The following ZNF347 variants were observed in gnomAD, a reference collection of about 807,000 sequenced individuals.
ZNF347 encodes the protein zinc finger protein 347, also known as CTD-2620I22.7.
A neutral mutation model predicts 12.9 loss-of-function variants in ZNF347; 19 were observed. That is an observed-to-expected ratio of 1.47 (90% CI 1.03 to 2.16). ZNF347 has a LOEUF of 2.16. Ranked by LOEUF, ZNF347 falls within the 30% of genes most tolerant of loss-of-function variation. ZNF347 has a pLI of 0.00. For synonymous variants in ZNF347, 328 were observed against 340.6 expected (o/e 0.96, Z 0.41); for missense variants, 1,005 against 990.6 (o/e 1.01, Z -0.19).
At chr19:53,157,530 G>GAAACAAGCTT (rs1444207264) in intron 1 of ZNF347, among the ~76,000 whole-genome samples, 1 of 151,944 alleles carries the variant, frequency 6.6e-6, no homozygotes, top group African/African-American at 2.4e-5. Flanking sequence ...GTCCCATTCT[G>GAAACAAGCTT]GGGCCTTGTT....
At position 53,135,377 on chromosome 19, in the gene ZNF347, G is replaced by C. The variant is rs1017159828; in HGVS notation, c.*4931C>G. On this transcript the variant is annotated 3_prime_UTR_variant, in exon 5 of 5. Transcript: ENST00000334197. ...AGAGAGAGAGAGAGAGAAAGAGAGA[G>C]AGAGAGAGAGAGAGAGATGGAGTCC... 7.0e-6 allele frequency: 1 copy of C among 142,114 alleles called. No individual in the cohort carries two copies. The highest frequency in any genetic ancestry group is 1.6e-5 in the Non-Finnish European group (1 of 63,912). 8.8% of individuals were successfully genotyped at this position (142,114 alleles called of 1,614,324 possible).
chr19:53,143,016 G>A (rs186438077), intron 4 of ZNF347, among the ~76,000 whole-genome samples: 66 of 152,134 alleles, frequency 4.3e-4, no homozygotes, highest in African/African-American at 1.6e-3. Flanking sequence ...TTTACTAAGA[G>A]GGCTAAAAGA....
At position 53,153,795 on chromosome 19, in the gene ZNF347, T is replaced by C; in HGVS notation, c.-46-2A>G. 3.1e-6 allele frequency: 5 copies of C among 1,613,662 alleles called. No individual in the cohort carries two copies. Among genetic ancestry groups the C allele is most frequent in the Non-Finnish European group, 4.2e-6 (5 of 1,179,620 alleles). On this transcript the variant is annotated splice_acceptor_variant, in intron 1 of 4. Coordinates refer to ENST00000334197, the MANE Select transcript of ZNF347 (RefSeq NM_032584.3). LOFTEE classifies it low-confidence loss of function (5UTR_SPLICE). Reference sequence around the variant, plus strand: ...CTTCCTCTTCTTCAAGGGTTCTTCCTTAGGTAACAGGAAAGTGCCTTTAGA... The same window carrying C: ...CTTCCTCTTCTTCAAGGGTTCTTCCCTAGGTAACAGGAAAGTGCCTTTAGA...
At chr19:53,157,450 T>C (rs1176584963) in intron 1 of ZNF347, among the ~76,000 whole-genome samples, 1 of 152,096 alleles carries the variant, frequency 6.6e-6, no homozygotes, top group Non-Finnish European at 1.5e-5. Context: ...CCCTGGTTCT[T>C]TGCGCGTCGT....
Position 53,158,198 on chromosome 19 carries a change from G to C in ZNF347, c.-47+811C>G, listed in dbSNP as rs377294559. Among the ~76,000 whole-genome samples, 326 of 152,338 alleles carry C rather than the reference G, an allele frequency of 2.1e-3. 1 individual carries two copies. The highest frequency in any genetic ancestry group is 7.5e-3 in the African/African-American group (310 of 41,588). ...GGCCCCGGGCACCTCCCCAGCGCGGGCTCAGGAGAAGCGGGGACTGCGAAG... is the reference window on the plus strand; with the variant it reads ...GGCCCCGGGCACCTCCCCAGCGCGGCCTCAGGAGAAGCGGGGACTGCGAAG... On this transcript the variant is annotated intron_variant, in intron 1 of 4. Transcript: ENST00000334197.
intron 1 of ZNF347, among the ~76,000 whole-genome samples, chr19:53,154,383 G>C (rs1327376384): frequency 6.6e-6 from 1 of 152,098 alleles, no homozygotes; most frequent in Non-Finnish European, 1.5e-5. Flanking sequence ...TCAGCACTTT[G>C]GGAGGCCTAG....
chr19:53,154,270 C>T (rs1160492975), intron 1 of ZNF347, among the ~76,000 whole-genome samples: 1 of 151,924 alleles, frequency 6.6e-6, no homozygotes, highest in African/African-American at 2.4e-5. Context: ...TCAGTTGAGG[C>T]CAGGAGTTCA....
At chr19:53,144,422 T>A (rs1466080690) in intron 4 of ZNF347, among the ~76,000 whole-genome samples, 1 of 152,026 alleles carries the variant, frequency 6.6e-6, no homozygotes, top group African/African-American at 2.4e-5. Flanking sequence ...CAAAAGGACA[T>A]AATAAATAAG....
Position 53,141,412 on chromosome 19 carries a change from A to G in ZNF347, c.1416T>C (p.Leu472=), listed in dbSNP as rs1295103621. The G allele has an allele frequency of 6.2e-7, 1 of 1,613,956 alleles. No individual in the cohort carries two copies. Among genetic ancestry groups the G allele is most frequent in the South Asian group, 1.1e-5 (1 of 91,080 alleles). The stretch of plus-strand genomic sequence containing the variant: ...CAGTATGAATTAGCTGATGCCTTGC[A>G]AGGTGTGAATTACGCCTAAAGACCT... ...CGKVFRRNSH[L]ARHQLIHTGE... The change falls in exon 5 of 5, where the codon CTT becomes CTC. Residue 472 remains leucine (L), a synonymous_variant. Coordinates refer to ENST00000334197, the MANE Select transcript of ZNF347 (RefSeq NM_032584.3).
At position 53,136,910 on chromosome 19, in the gene ZNF347, G is replaced by A. The variant is rs2090390836; in HGVS notation, c.*3398C>T. 6.6e-6 allele frequency: 1 copy of A among 152,062 alleles called. No individual in the cohort carries two copies. The highest frequency in any genetic ancestry group is 6.6e-5 in the Admixed American group (1 of 15,264). The allele number at this position is 152,062 out of a possible 1,614,324, so 9.4% of individuals were successfully genotyped here. On this transcript the variant is annotated 3_prime_UTR_variant, in exon 5 of 5. Coordinates refer to ENST00000334197, the MANE Select transcript of ZNF347 (RefSeq NM_032584.3). ...TTAGAAATTTCTTTTGTTTTTTTGA[G>A]AGTCTCACTCTATTGCCCAGGCTGG... is the stretch of plus-strand genomic sequence containing the variant.
Position 53,139,900 on chromosome 19 carries a change from AT to A in ZNF347, c.*407del, listed in dbSNP as rs879706160. ...ATGAGGAGTTTGCCACAGTCATTGC[AT>A]TTTTTTTTTTTCCTTTAAGATGGAG... On this transcript the variant is annotated 3_prime_UTR_variant, in exon 5 of 5. Transcript: ENST00000334197. The A allele has an allele frequency of 0.022, 3,438 of 154,586 alleles. 29 individuals carry two copies. Among genetic ancestry groups the A allele is most frequent in the Admixed American group, 0.03 (498 of 16,404 alleles). The allele number at this position is 154,586 out of a possible 1,614,324, so 9.6% of individuals were successfully genotyped here. A position where few individuals can be genotyped will look rare whatever the true frequency, so the allele number is the denominator to read the frequency against.
In ZNF347 at chr19:53,135,294, T is replaced by G. The variant is rs1185322814; in HGVS notation, c.*5014A>C. On this transcript the variant is annotated 3_prime_UTR_variant, in exon 5 of 5. Coordinates refer to ENST00000334197, the MANE Select transcript of ZNF347 (RefSeq NM_032584.3). ...ATGTCTCTTCATAGTTCTACCCATTTTCTAAATATATATATATATATATAT... is the reference window on the plus strand; with the variant it reads ...ATGTCTCTTCATAGTTCTACCCATTGTCTAAATATATATATATATATATAT... 1.1e-5 allele frequency: 1 copy of G among 87,836 alleles called. No homozygotes were observed. The highest frequency in any genetic ancestry group is 2.2e-5 in the Non-Finnish European group (1 of 46,232). The allele number at this position is 87,836 out of a possible 1,614,324, so 5.4% of individuals were successfully genotyped here. A position where few individuals can be genotyped will look rare whatever the true frequency, so the allele number is the denominator to read the frequency against.
At chr19:53,156,692 A>G (rs187718319) in intron 1 of ZNF347, among the ~76,000 whole-genome samples, 1 of 152,332 alleles carries the variant, frequency 6.6e-6, no homozygotes, top group African/African-American at 2.4e-5. Context: ...ACAAATTAAT[A>G]GAACCTGAGG....
At chr19:53,147,764 A>C (rs1445102034) in intron 4 of ZNF347, among the ~76,000 whole-genome samples, 7 of 152,154 alleles carry the variant, frequency 4.6e-5, no homozygotes, top group African/African-American at 1.7e-4. Context: ...ATATACATGC[A>C]AAAATCCTTG....
In ZNF347 at chr19:53,141,977, G is replaced by GTA. The variant is rs1250793751; in HGVS notation, c.849_850dup (p.Thr284IlefsTer22). ...ATAACATTTGTAAGGTTTCTCTTTA[G>GTA]TATGACTTCTCTGATGACTTGCAAG... On this transcript the variant is annotated frameshift_variant, in exon 5 of 5. Coordinates refer to ENST00000334197, the MANE Select transcript of ZNF347 (RefSeq NM_032584.3). LOFTEE classifies it low-confidence loss of function (END_TRUNC). The GTA allele has an allele frequency of 6.2e-7, 1 of 1,614,142 alleles. No homozygotes were observed.
rs1018260577 is a variant in ZNF347, at chr19:53,135,955, T to C, written c.*4353A>G. 4 of 152,076 alleles carry C rather than the reference T, an allele frequency of 2.6e-5. No homozygotes were observed. The allele number at this position is 152,076 out of a possible 1,614,324, so 9.4% of individuals were successfully genotyped here. ...ACAAATATCATGTTTTGCTGTAAGATCCTCTGGCTCAGAAAAGAAATACCA... is the reference window on the plus strand; with the variant it reads ...ACAAATATCATGTTTTGCTGTAAGACCCTCTGGCTCAGAAAAGAAATACCA... On this transcript the variant is annotated 3_prime_UTR_variant, in exon 5 of 5. Transcript: ENST00000334197.
chr19:53,150,670 C>A (rs1349710354), intron 2 of ZNF347, among the ~76,000 whole-genome samples: 1 of 152,150 alleles, frequency 6.6e-6, no homozygotes, highest in Non-Finnish European at 1.5e-5. Flanking sequence ...AAACTGTGAT[C>A]ATCGCAATAA....
chr19:53,142,362 G>T lies in ZNF347; in HGVS notation c.466C>A (p.Leu156Ile), dbSNP rs2090434831. 1 of 1,614,074 alleles carries T rather than the reference G, an allele frequency of 6.2e-7. No homozygotes were observed. Among genetic ancestry groups the T allele is most frequent in the Non-Finnish European group, 8.5e-7 (1 of 1,179,998 alleles). Reference sequence around the variant, plus strand: ...GTGAGATTGCCTTCTTGGGTCAAAAGCACTCCTTTGTAATTTCCTTCAGCA... The same window carrying T: ...GTGAGATTGCCTTCTTGGGTCAAAATCACTCCTTTGTAATTTCCTTCAGCA... ...RDAEGNYKGVLLTQEGNLTHG... is the reference protein window; with the variant it reads ...RDAEGNYKGVILTQEGNLTHG... Residue 156 changes from leucine to isoleucine, a missense_variant, in exon 5 of 5, where the codon CTT becomes ATT. Coordinates refer to ENST00000334197, the MANE Select transcript of ZNF347 (RefSeq NM_032584.3).
chr19:53,149,390 C>T (rs1158255431), intron 2 of ZNF347, 23 bp from the exon 3 acceptor site: 6 of 1,612,930 alleles, frequency 3.7e-6, no homozygotes, highest in Non-Finnish European at 5.1e-6. Context: ...ACACATCCAC[C>T]AGGGGGATAT....
Sources: gnomAD v4.1 joint callset for allele counts (sites outside exome capture counted in the v4.1 genomes callset) on GRCh38, gnomAD v4.1.1 for gene constraint, MANE v1.5 for transcripts, NCBI Gene and HGNC (gene_info 2026-07-23, HGNC 2026-07-21) for gene names.